The following PRKG2 variants were observed in gnomAD, a reference collection of about 807,000 sequenced individuals.
The protein encoded by PRKG2 is protein kinase cGMP-dependent 2.
A neutral mutation model predicts 97.2 loss-of-function variants in PRKG2; 33 were observed. The ratio of observed to expected loss-of-function variants is 0.34; its 90% CI spans 0.26 to 0.45. PRKG2 has a LOEUF of 0.45. PRKG2 is among the 20% of genes least tolerant of loss of function. The pLI is 1.00. For synonymous variants in PRKG2, 330 were observed against 321.8 expected (o/e 1.03, Z -0.27); for missense variants, 638 against 900.0 (o/e 0.71, Z 3.73).
chr4:81,135,332 A>ATACACATC lies in PRKG2; in HGVS notation c.1635-44_1635-37dup, dbSNP rs557348412. The ATACACATC allele has an allele frequency of 7.6e-5, 121 of 1,601,540 alleles. No homozygotes were observed. In the East Asian group the frequency reaches 2.2e-3, roughly 29 times the overall value. ...ATCATTTTCCCTCTTAATACTTTGGATACACATCTTTGGTGCTGTTCTACG... is the reference window on the plus strand; with the variant it reads ...ATCATTTTCCCTCTTAATACTTTGGATACACATCTACACATCTTTGGTGCTGTTCTACG... On this transcript the variant is annotated intron_variant, in intron 13 of 18. Transcript: ENST00000264399.
rs202182927 is a variant in PRKG2 at position 81,144,224 on chromosome 4, C to T, written c.1253+8G>A. Reference sequence around the variant, plus strand: ...AGCTCCGGCTCAGGAAAACATTCCTCCACTTACTTCGCATGTCTTTTTTCA... The same window carrying T: ...AGCTCCGGCTCAGGAAAACATTCCTTCACTTACTTCGCATGTCTTTTTTCA... On this transcript the variant is annotated splice_region_variant and intron_variant, in intron 10 of 18. Transcript: ENST00000264399. 3.1e-5 allele frequency: 49 copies of T among 1,594,746 alleles called. No homozygotes were observed. Among genetic ancestry groups the T allele is most frequent in the Non-Finnish European group, 4.2e-5 (49 of 1,162,650 alleles).
intron 6 of PRKG2, among the ~76,000 whole-genome samples, chr4:81,166,262 T>C (rs986278152): frequency 6.6e-6 from 1 of 152,124 alleles, no homozygotes; most frequent in Non-Finnish European, 1.5e-5. Flanking sequence ...TATATTGTGA[T>C]TGACAGAGGC....
At chr4:81,094,740 T>C (rs1741945802) in intron 17 of PRKG2, among the ~76,000 whole-genome samples, 2 of 151,996 alleles carry the variant, frequency 1.3e-5, no homozygotes, top group African/African-American at 4.8e-5. Flanking sequence ...GGCAAAGCCC[T>C]TCCAGATGGA....
At chr4:81,198,933 G>A (rs1211527581) in intron 2 of PRKG2, among the ~76,000 whole-genome samples, 1 of 152,116 alleles carries the variant, frequency 6.6e-6, no homozygotes, top group Non-Finnish European at 1.5e-5. Flanking sequence ...ATATCACCCA[G>A]TTACCTTCAC....
rs149313578 is a variant in PRKG2 at position 81,144,397 on chromosome 4, A to G, written c.1155-67T>C. 353 of 1,273,000 alleles carry G rather than the reference A, an allele frequency of 2.8e-4. 2 individuals carry two copies. In the African/African-American group the frequency reaches 4.8e-3, roughly 17 times the overall value. The allele number at this position is 1,273,000 out of a possible 1,614,324, so 78.9% of individuals were successfully genotyped here. A position where few individuals can be genotyped will look rare whatever the true frequency, so the allele number is the denominator to read the frequency against. On this transcript the variant is annotated intron_variant, in intron 9 of 18. Transcript: ENST00000264399. ...TACCAAGGCAACTTGACATTCTTCT[A>G]AGCTCATAAAACACAAGCTGGTTAT...
rs375804182 is a variant in PRKG2 at position 81,142,230 on chromosome 4, C to A, written c.1407+564G>T. On this transcript the variant is annotated intron_variant, in intron 11 of 18. Transcript: ENST00000264399. Reference sequence around the variant, plus strand: ...GCTGTAAGTTCCCAGATATCCTGATCAACACTACAGAAGGCTTCTCTTCAA... The same window carrying A: ...GCTGTAAGTTCCCAGATATCCTGATAAACACTACAGAAGGCTTCTCTTCAA... 2.6e-5 allele frequency among the ~76,000 whole-genome samples: 4 copies of A among 152,334 alleles called. No individual in the cohort carries two copies. In the East Asian group the frequency reaches 7.7e-4, roughly 29 times the overall value.
At chr4:81,208,738 G>C (rs527873487) in intron 1 of PRKG2, among the ~76,000 whole-genome samples, 1 of 152,062 alleles carries the variant, frequency 6.6e-6, no homozygotes, top group African/African-American at 2.4e-5. Context: ...GGTGGTGGCC[G>C]GGAGTAAGGG....
At chr4:81,182,230 T>C (rs1751477518) in intron 2 of PRKG2, among the ~76,000 whole-genome samples, 1 of 142,824 alleles carries the variant, frequency 7.0e-6, no homozygotes, top group Admixed American at 6.7e-5. Context: ...AAAAAATAAA[T>C]ATTCTAGATT....
At chr4:81,111,149 A>C (rs1014352906) in intron 14 of PRKG2, among the ~76,000 whole-genome samples, 1 of 152,118 alleles carries the variant, frequency 6.6e-6, no homozygotes, top group Non-Finnish European at 1.5e-5. Context: ...AAACCATCAT[A>C]CACAATGTCT....
chr4:81,197,364 C>T (rs762512128), intron 2 of PRKG2, among the ~76,000 whole-genome samples: 7 of 152,178 alleles, frequency 4.6e-5, no homozygotes, highest in Non-Finnish European at 8.8e-5. Context: ...GCAACCAGGA[C>T]CCTTGTTAAA....
chr4:81,197,041 G>A (rs1753003466), intron 2 of PRKG2, among the ~76,000 whole-genome samples: 1 of 152,188 alleles, frequency 6.6e-6, no homozygotes, highest in Non-Finnish European at 1.5e-5. Context: ...TCTAGAAAGA[G>A]GCGACAGGAG....
At chr4:81,151,934 G>A (rs767779864) in intron 8 of PRKG2, 26 bp downstream of exon 8, 4 of 1,531,040 alleles carry the variant, frequency 2.6e-6, no homozygotes, top group Non-Finnish European at 3.6e-6. Flanking sequence ...TTTATCCAAA[G>A]TATGGCATAT....
chr4:81,148,087 T>C (rs563233748), intron 9 of PRKG2, among the ~76,000 whole-genome samples: 24 of 152,246 alleles, frequency 1.6e-4, no homozygotes, highest in African/African-American at 5.8e-4. Flanking sequence ...CAGCTCTATA[T>C]CTCTAGACTC....
intron 2 of PRKG2, among the ~76,000 whole-genome samples, chr4:81,181,185 G>C (rs1396180965): frequency 6.6e-6 from 1 of 151,906 alleles, no homozygotes; most frequent in Non-Finnish European, 1.5e-5. Flanking sequence ...GTAATACAGA[G>C]TATATTCTTT....
chr4:81,122,569 A>C (rs1251919276), intron 14 of PRKG2, among the ~76,000 whole-genome samples: 1 of 152,174 alleles, frequency 6.6e-6, no homozygotes, highest in Admixed American at 6.5e-5. Flanking sequence ...CAGACTCCAA[A>C]GACACACTTC....
chr4:81,088,123 A>G lies in PRKG2; in HGVS notation c.*1585T>C, dbSNP rs1472222411. 1 of 152,170 alleles carries G rather than the reference A, an allele frequency of 6.6e-6. No homozygotes were observed. The highest frequency in any genetic ancestry group is 1.5e-5 in the Non-Finnish European group (1 of 67,990). The allele number at this position is 152,170 out of a possible 1,614,324, so 9.4% of individuals were successfully genotyped here. Reference sequence around the variant, plus strand: ...ATGATTATTCTATGTACAATACATAATCTTTAAAAATACAGCTCCAGGAAA... The same window carrying G: ...ATGATTATTCTATGTACAATACATAGTCTTTAAAAATACAGCTCCAGGAAA... On this transcript the variant is annotated 3_prime_UTR_variant, in exon 19 of 19. Transcript: ENST00000264399.
intron 7 of PRKG2, among the ~76,000 whole-genome samples, chr4:81,153,039 A>G (rs1339215470): frequency 6.6e-6 from 1 of 152,184 alleles, no homozygotes; most frequent in Non-Finnish European, 1.5e-5. Flanking sequence ...AATGCTTTTC[A>G]TCTCTGAGTA....
At chr4:81,198,996 A>G (rs1380135687) in intron 2 of PRKG2, among the ~76,000 whole-genome samples, 1 of 152,154 alleles carries the variant, frequency 6.6e-6, no homozygotes, top group East Asian at 1.9e-4. Flanking sequence ...TTCTTCTTCC[A>G]TGCCTTATCC....
At chr4:81,103,985 C>T (rs1158837600) in intron 17 of PRKG2, among the ~76,000 whole-genome samples, 5 of 152,006 alleles carry the variant, frequency 3.3e-5, no homozygotes, top group Non-Finnish European at 5.9e-5. Context: ...GAGCCAAGAT[C>T]GTGGCATTGC....
Sources: allele counts gnomAD v4.1 joint callset (sites outside exome capture counted in the v4.1 genomes callset), GRCh38; gene constraint gnomAD v4.1.1; transcripts MANE v1.5; gene names NCBI Gene and HGNC (gene_info 2026-07-23, HGNC 2026-07-21).